Variants in EPB41L3 observed in about 807,000 individuals in gnomAD.
The protein encoded by EPB41L3 is erythrocyte membrane protein band 4.1 like 3, also known as band 4.1-like protein 3.
A neutral mutation model predicts 127.1 loss-of-function variants in EPB41L3; 57 were observed. The ratio of observed to expected loss-of-function variants is 0.45; its 90% confidence interval spans 0.36 to 0.56. The LOEUF is 0.56. Ranked by LOEUF, EPB41L3 falls within the 20% of genes least tolerant of loss-of-function variation. The pLI, the probability that EPB41L3 is intolerant of heterozygous loss-of-function variation, is 0.00. For missense variants in EPB41L3, 1,273 were observed against 1,372.2 expected (o/e 0.93, Z 1.14); for synonymous variants, 572 against 549.5 (o/e 1.04, Z -0.57).
intron 14 of EPB41L3, among the ~76,000 whole-genome samples, chr18:5,409,079 G>A (rs770121133): frequency 6.6e-6 from 1 of 152,200 alleles, no homozygotes; most frequent in Non-Finnish European, 1.5e-5. Context: ...ACTGACCACT[G>A]TTGTGCTGGC....
chr18:5,563,100 A>C (rs2094154464), intron 3 of EPB41L3, among the ~76,000 whole-genome samples: 1 of 152,234 alleles, frequency 6.6e-6, no homozygotes, highest in Non-Finnish European at 1.5e-5. Context: ...GCAGAGGATG[A>C]GGGGAAGGGA....
intron 10 of EPB41L3, 92 bp downstream of exon 10, chr18:5,424,170 G>T: frequency 1.1e-6 from 1 of 878,756 alleles, no homozygotes; most frequent in Non-Finnish European, 1.7e-6. Context: ...GGGATAGAAA[G>T]AATAAAATTC....
intron 3 of EPB41L3, among the ~76,000 whole-genome samples, chr18:5,611,376 G>A (rs889353664): frequency 1.3e-5 from 2 of 152,180 alleles, no homozygotes; most frequent in Admixed American, 6.5e-5. Context: ...ACTATGCTAA[G>A]TGAAACAAGT....
upstream of EPB41L3, among the ~76,000 whole-genome samples, chr18:5,629,548 G>A (rs1397581821): frequency 1.3e-5 from 2 of 152,218 alleles, no homozygotes; most frequent in Non-Finnish European, 2.9e-5. Context: ...CTGAGATGGA[G>A]GCGGAGGCTC....
At chr18:5,401,016 T>G (rs1039831177) in intron 16 of EPB41L3, 1 of 1,534,770 alleles carries the variant, frequency 6.5e-7, no homozygotes, top group Admixed American at 2.0e-5. Flanking sequence ...AATATAACTT[T>G]TTCAGAAATC....
At chr18:5,409,789 G>C (rs997439664) in intron 14 of EPB41L3, among the ~76,000 whole-genome samples, 2 of 151,086 alleles carry the variant, frequency 1.3e-5, no homozygotes, top group South Asian at 4.2e-4. Flanking sequence ...AAAAGTAGCC[G>C]AATTAACATC....
At chr18:5,513,912 C>T (rs2092648075) in intron 1 of EPB41L3, among the ~76,000 whole-genome samples, 1 of 152,088 alleles carries the variant, frequency 6.6e-6, no homozygotes, top group South Asian at 2.1e-4. Flanking sequence ...GTATGTCCTA[C>T]CAGAAGTCTG....
intron 1 of EPB41L3, among the ~76,000 whole-genome samples, chr18:5,627,077 A>G (rs1004989759): frequency 1.3e-5 from 2 of 152,176 alleles, no homozygotes; most frequent in African/African-American, 4.8e-5. Context: ...ACTTCTCATT[A>G]GTCTGTTTAC....
chr18:5,585,041 T>C (rs2094430504), intron 3 of EPB41L3, among the ~76,000 whole-genome samples: 1 of 152,186 alleles, frequency 6.6e-6, no homozygotes, highest in Admixed American at 6.5e-5. Flanking sequence ...CCTTCAGGAA[T>C]TGTCTGATAC....
chr18:5,567,911 ATAT>A (rs2094228288), intron 3 of EPB41L3, among the ~76,000 whole-genome samples: 1 of 152,190 alleles, frequency 6.6e-6, no homozygotes, highest in African/African-American at 2.4e-5. Context: ...AAAACTGAGA[ATAT>A]TATAGTCACA....
At chr18:5,601,494 C>T (rs2094591066) in intron 3 of EPB41L3, among the ~76,000 whole-genome samples, 1 of 152,146 alleles carries the variant, frequency 6.6e-6, no homozygotes, top group South Asian at 2.1e-4. Flanking sequence ...TGTAATAAAA[C>T]CTTGTAGTGT....
At chr18:5,393,731 G>C (rs1385136258) in intron 22 of EPB41L3, 1 of 377,556 alleles carries the variant, frequency 2.6e-6, no homozygotes. Flanking sequence ...ATTCATTTGA[G>C]TAAAATGAGT....
intron 20 of EPB41L3, 59 bp downstream of exon 20, chr18:5,395,550 A>G: frequency 6.6e-7 from 1 of 1,521,430 alleles, no homozygotes; most frequent in African/African-American, 1.4e-5. Context: ...AGTTCTGAAC[A>G]AGCACCTTCC....
At chr18:5,613,227 G>C (rs551071505) in intron 2 of EPB41L3, among the ~76,000 whole-genome samples, 4 of 152,118 alleles carry the variant, frequency 2.6e-5, no homozygotes, top group African/African-American at 9.7e-5. Flanking sequence ...CTAGACATTT[G>C]TTTTCTTGAG....
intron 16 of EPB41L3, chr18:5,400,713 A>C (rs2074366587): frequency 3.8e-6 from 2 of 529,312 alleles, no homozygotes; most frequent in Non-Finnish European, 6.9e-6. Context: ...GATTATTATC[A>C]GAAAGTAAGT....
intron 1 of EPB41L3, among the ~76,000 whole-genome samples, chr18:5,541,695 A>C (rs957204491): frequency 1.3e-5 from 2 of 152,258 alleles, no homozygotes; most frequent in African/African-American, 2.4e-5. Context: ...CAAGCAGTGT[A>C]CATGAACTGA....
chr18:5,520,275 G>C lies in EPB41L3; in HGVS notation c.-12+23638C>G, dbSNP rs189130187. Among the ~76,000 whole-genome samples, 4 of 152,272 alleles carry C rather than the reference G, an allele frequency of 2.6e-5. No individual in the cohort carries two copies. In the East Asian group the frequency reaches 5.8e-4, roughly 22 times the overall value. On this transcript the variant is annotated intron_variant, in intron 1 of 22. Transcript: ENST00000341928. ...CAATCAAGCTGCCTGCTTCATTTTA[G>C]AGAAGGGACCAGAGCTAGGGTAGTT...
chr18:5,519,206 C>G (rs527667576), intron 1 of EPB41L3, among the ~76,000 whole-genome samples: 1 of 152,324 alleles, frequency 6.6e-6, no homozygotes, highest in Non-Finnish European at 1.5e-5. Context: ...CAAAAACTGT[C>G]CTTGTTGCCG....
chr18:5,528,764 A>G (rs749266078), intron 1 of EPB41L3, among the ~76,000 whole-genome samples: 1 of 151,666 alleles, frequency 6.6e-6, no homozygotes, highest in Admixed American at 6.6e-5. Flanking sequence ...CGTCTGGCTA[A>G]TTTTTGTATT....
Sources: gnomAD v4.1 joint callset for allele counts (sites outside exome capture counted in the v4.1 genomes callset) on GRCh38, gnomAD v4.1.1 for gene constraint, MANE v1.5 for transcripts, NCBI Gene and HGNC (gene_info 2026-07-23, HGNC 2026-07-21) for gene names.